The following FIP1L1 variants were observed in gnomAD, a reference collection of about 807,000 sequenced individuals.
FIP1L1 encodes factor interacting with PAPOLA and CPSF1, also known as pre-mRNA 3'-end-processing factor FIP1.
In FIP1L1, 21 loss-of-function variants were observed where a neutral mutation model predicts 84.6. The ratio of observed to expected loss-of-function variants is 0.25; its 90% CI spans 0.18 to 0.36. FIP1L1 has a LOEUF of 0.36. FIP1L1 is among the 10% of genes least tolerant of loss of function. The pLI, the probability that FIP1L1 is intolerant of heterozygous loss-of-function variation, is 1.00. For synonymous variants in FIP1L1, 263 were observed against 242.3 expected (o/e 1.09, Z -0.80); for missense variants, 526 against 751.1 (o/e 0.70, Z 3.50).
At chr4:53,436,858 C>T (rs1246002694) in intron 13 of FIP1L1, among the ~76,000 whole-genome samples, 2 of 117,612 alleles carry the variant, frequency 1.7e-5, no homozygotes, top group Non-Finnish European at 3.2e-5. Context: ...CAGGTCTTAC[C>T]CCCACCCACT....
rs749966994 is a variant in FIP1L1, at chr4:53,379,097, G to A, written c.110G>A (p.Ser37Asn). The stretch of plus-strand genomic sequence containing the variant: ...GGCCCATGGGACGTGCATGTGCACA[G>A]TGATTTGGCAAAGGACCTAGGTTAG... ...YGGPWDVHVH[S>N]DLAKDLDENE... Residue 37 changes from serine (S) to asparagine (N), a missense_variant, in exon 2 of 18, where the codon AGT (serine) becomes AAT (asparagine). Physicochemically the swap from Ser to Asn is conservative, Grantham distance 46 (BLOSUM62 1). This residue lies in a region of FIP1L1 where 100 missense variants were observed against 107.2 expected (regional missense o/e 0.93). Coordinates refer to ENST00000337488, the MANE Select transcript of FIP1L1 (RefSeq NM_030917.4). The A allele has an allele frequency of 1.2e-6, 2 of 1,614,132 alleles. No individual in the cohort carries two copies. Among genetic ancestry groups the A allele is most frequent in the Admixed American group, 1.7e-5 (1 of 60,032 alleles).
intron 15 of FIP1L1, among the ~76,000 whole-genome samples, chr4:53,446,647 CTTATTAAAG>C (rs1774310398): frequency 1.3e-5 from 2 of 152,002 alleles, no homozygotes; most frequent in Admixed American, 1.3e-4. Flanking sequence ...GTGAACATGA[CTTATTAAAG>C]TTTGATTGTT....
At chr4:53,382,245 C>G (rs1441191930) in intron 3 of FIP1L1, 33 bp from the exon 4 acceptor site, 1 of 1,497,312 alleles carries the variant, frequency 6.7e-7, no homozygotes, top group South Asian at 1.1e-5. Flanking sequence ...AAAAGTAATG[C>G]CTGACATGTA....
intron 12 of FIP1L1, among the ~76,000 whole-genome samples, chr4:53,426,776 T>C (rs1263032619): frequency 6.6e-6 from 1 of 152,172 alleles, no homozygotes; most frequent in African/African-American, 2.4e-5. Context: ...TGGATAAATA[T>C]ACCATGATTT....
At chr4:53,420,197 CAAAAAAAAAAAAAAA>C (rs1166566869) in intron 11 of FIP1L1, among the ~76,000 whole-genome samples, 6 of 17,546 alleles carry the variant, frequency 3.4e-4, no homozygotes, top group South Asian at 3.8e-3. Flanking sequence ...GACTCCGTCT[CAAAAAAAAAAAAAAA>C]AAAAAAAAAA....
intron 9 of FIP1L1, among the ~76,000 whole-genome samples, chr4:53,394,273 T>A (rs2149422025): frequency 6.6e-6 from 1 of 152,332 alleles, no homozygotes; most frequent in South Asian, 2.1e-4. Flanking sequence ...ATTTTTATCT[T>A]CTGACTTAGA....
chr4:53,391,098 C>T lies in FIP1L1; in HGVS notation c.595C>T (p.Leu199Phe), dbSNP rs767681110. The change falls in exon 8 of 18, where the codon CTT (leucine) becomes TTT (phenylalanine). Residue 199 changes from leucine to phenylalanine, a missense_variant. Around this residue, in one of 6 missense-constraint regions of FIP1L1, gnomAD observed 169 missense variants for 206.9 expected, o/e 0.82. Transcript: ENST00000337488. ...CEKQKRIRMG[L>F]EVIPVTSTTN... ...AAAACAAAAGAGGATACGAATGGGA[C>T]TTGAAGTTATACCAGTAACCTCTAC... 3.7e-6 allele frequency: 6 copies of T among 1,611,526 alleles called. No individual in the cohort carries two copies. Among genetic ancestry groups the T allele is most frequent in the Middle Eastern group, 1.6e-4 (1 of 6,062 alleles).
intron 11 of FIP1L1, among the ~76,000 whole-genome samples, chr4:53,422,118 A>G (rs1578723401): frequency 6.6e-6 from 1 of 152,078 alleles, no homozygotes; most frequent in Non-Finnish European, 1.5e-5. Context: ...AATTTTGGAG[A>G]CTTTATTTCC....
At chr4:53,402,431 G>A (rs1750762244) in intron 10 of FIP1L1, among the ~76,000 whole-genome samples, 1 of 152,188 alleles carries the variant, frequency 6.6e-6, no homozygotes, top group South Asian at 2.1e-4. Flanking sequence ...GCTGGGCACT[G>A]TAGCTCATGC....
chr4:53,385,514 CAAG>C (rs1242206152), intron 5 of FIP1L1, among the ~76,000 whole-genome samples: 1 of 152,040 alleles, frequency 6.6e-6, no homozygotes, highest in Non-Finnish European at 1.5e-5. Flanking sequence ...TTCAAAAAAA[CAAG>C]AAACTGTGAT....
At position 53,431,313 on chromosome 4, in the gene FIP1L1, A is replaced by C. The variant is rs1766555481; in HGVS notation, c.1174+3130A>C. Among the ~76,000 whole-genome samples, 4 of 152,152 alleles carry C rather than the reference A, an allele frequency of 2.6e-5. No homozygotes were observed. The South Asian group carries it at 8.3e-4, about 32-fold the overall frequency. ...ATGTTCCGTAGTTTGTTGTAATTTA[A>C]ATCACCTTAAGAATCATAAGCAGCT... On this transcript the variant is annotated intron_variant, in intron 13 of 17. Coordinates refer to ENST00000337488, the MANE Select transcript of FIP1L1 (RefSeq NM_030917.4).
At chr4:53,408,032 T>A in intron 10 of FIP1L1, among the ~76,000 whole-genome samples, 1 of 152,246 alleles carries the variant, frequency 6.6e-6, no homozygotes, top group East Asian at 1.9e-4. Context: ...TTTGATCCTG[T>A]CATTATGATG....
At chr4:53,435,150 TA>T (rs1202440093) in intron 13 of FIP1L1, among the ~76,000 whole-genome samples, 1 of 152,198 alleles carries the variant, frequency 6.6e-6, no homozygotes, top group African/African-American at 2.4e-5. Context: ...AAAGCCTGCC[TA>T]TCAGTGTTTT....
intron 13 of FIP1L1, 88 bp downstream of exon 13, chr4:53,428,271 A>G (rs987239072): frequency 7.9e-7 from 1 of 1,271,890 alleles, no homozygotes; most frequent in African/African-American, 1.5e-5. Context: ...TAATATCTTG[A>G]TCACATTTCA....
rs1721775526 is a variant in FIP1L1 at position 53,460,506 on chromosome 4, C to T, written c.*1057C>T. 1 of 202,120 alleles carries T rather than the reference C, an allele frequency of 4.9e-6. No individual in the cohort carries two copies. The highest frequency in any genetic ancestry group is 1.0e-5 in the Non-Finnish European group (1 of 99,010). The allele number at this position is 202,120 out of a possible 1,614,324, so 12.5% of individuals were successfully genotyped here. A position where few individuals can be genotyped will look rare whatever the true frequency, so the allele number is the denominator to read the frequency against. On this transcript the variant is annotated 3_prime_UTR_variant, in exon 18 of 18. Coordinates refer to ENST00000337488, the MANE Select transcript of FIP1L1 (RefSeq NM_030917.4). ...GTTTGATGAAAGCAACGTTTCTCAG[C>T]AATGCATTTTAAAAAATATTTTAGC...
At chr4:53,425,490 A>G in intron 11 of FIP1L1, among the ~76,000 whole-genome samples, 1 of 152,078 alleles carries the variant, frequency 6.6e-6, no homozygotes, top group South Asian at 2.1e-4. Flanking sequence ...AGTTTCTGTA[A>G]TAGAGCTGTA....
chr4:53,458,063 C>T (rs1720336361), intron 16 of FIP1L1, among the ~76,000 whole-genome samples: 1 of 152,108 alleles, frequency 6.6e-6, no homozygotes, highest in Non-Finnish European at 1.5e-5. Context: ...GTCCAATCTG[C>T]ATTTTGTATG....
chr4:53,408,085 A>G (rs189044511), intron 10 of FIP1L1, among the ~76,000 whole-genome samples: 17 of 152,282 alleles, frequency 1.1e-4, no homozygotes, highest in Admixed American at 9.8e-4. Flanking sequence ...GTTTCTTCCT[A>G]TCCTCGATGG....
intron 12 of FIP1L1, among the ~76,000 whole-genome samples, chr4:53,427,031 G>A (rs533819204): frequency 7.2e-5 from 11 of 151,904 alleles, no homozygotes; most frequent in Admixed American, 5.2e-4. Context: ...ATTCCTTTTA[G>A]CATCTTTAAA....
Sources: gnomAD v4.1 joint callset for allele counts (sites outside exome capture counted in the v4.1 genomes callset) on GRCh38, gnomAD v4.1.1 for gene constraint, gnomAD v4.1.1 regional missense constraint, MANE v1.5 for transcripts, NCBI Gene and HGNC (gene_info 2026-07-23, HGNC 2026-07-21) for gene names.